Variants in AGTPBP1 observed in about 807,000 individuals in gnomAD.
AGTPBP1 encodes the protein ATP/GTP binding carboxypeptidase 1.
Under a neutral mutation model 143.9 loss-of-function variants are expected in AGTPBP1, and 70 were observed. The observed-to-expected ratio is 0.49, with a 90% CI of 0.40 to 0.59. The LOEUF (loss-of-function observed/expected upper bound fraction) is 0.59, where lower values mean the gene tolerates loss of function less well. Ranked by LOEUF, AGTPBP1 falls within the 20% of genes least tolerant of loss-of-function variation. AGTPBP1 has a pLI of 0.00. For missense variants in AGTPBP1, 1,229 were observed against 1,464.5 expected, an observed-to-expected ratio of 0.84 and a Z score of 2.62; for synonymous variants, 463 against 500.2, an observed-to-expected ratio of 0.93 and a Z score of 0.99.
At chr9:85,703,127 GC>G in intron 2 of AGTPBP1, among the ~76,000 whole-genome samples, 1 of 152,314 alleles carries the variant, frequency 6.6e-6, no homozygotes, top group South Asian at 2.1e-4. Flanking sequence ...GCATTTGGCA[GC>G]CTTTACATGT....
At chr9:85,800,846 G>A in the AGTPBP1 span, among the ~76,000 whole-genome samples, 6 of 140,840 alleles carry the variant, frequency 4.3e-5, no homozygotes, top group South Asian at 2.3e-4. Flanking sequence ...TGTGTGTAAC[G>A]TGTCTTATCC....
In AGTPBP1 at chr9:85,737,286, G is replaced by GA. The variant is rs1823865367; in HGVS notation, c.-34+4488_-34+4489insT. On this transcript the variant is annotated intron_variant, in intron 1 of 25. Transcript: ENST00000357081. ...GGCTGTCTCAAAGTAAAGTGCTTCT[G>GA]TAACTGAATTGACAGCTTGAACTAG... Among the ~76,000 whole-genome samples the GA allele has an allele frequency of 2.0e-5, 3 of 152,154 alleles. No individual in the cohort carries two copies. In the South Asian group the frequency reaches 6.2e-4, roughly 32 times the overall value.
intron 1 of AGTPBP1, among the ~76,000 whole-genome samples, chr9:85,728,077 AT>A (rs1438176452): frequency 2.1e-5 from 3 of 143,104 alleles, no homozygotes; most frequent in Non-Finnish European, 4.5e-5. Flanking sequence ...ACACACACAC[AT>A]ATTTACTTCA....
chr9:85,726,207 G>GT (rs1838477563), intron 1 of AGTPBP1, among the ~76,000 whole-genome samples: 1 of 142,038 alleles, frequency 7.0e-6, no homozygotes, highest in South Asian at 2.2e-4. Context: ...TCCAGCCTGA[G>GT]TAACAGAACA....
the AGTPBP1 span, among the ~76,000 whole-genome samples, chr9:85,785,407 T>A: frequency 3.9e-5 from 6 of 152,182 alleles, no homozygotes; most frequent in African/African-American, 1.4e-4. Context: ...TATGTTGAAG[T>A]TAGCATTTTT....
intron 17 of AGTPBP1, among the ~76,000 whole-genome samples, chr9:85,612,803 G>A (rs2133449723): frequency 6.6e-6 from 1 of 152,198 alleles, no homozygotes; most frequent in East Asian, 1.9e-4. Context: ...AGAAGAACTG[G>A]AATGTGTGGA....
chr9:85,691,536 G>GGTGT (rs58713865), intron 3 of AGTPBP1, among the ~76,000 whole-genome samples: 6,250 of 144,464 alleles, frequency 0.043, 213 homozygotes, highest in African/African-American at 0.099. Flanking sequence ...AAAAAAAGAG[G>GGTGT]GTGTGTGTGT....
At chr9:85,603,991 C>T (rs1467534238) in intron 17 of AGTPBP1, among the ~76,000 whole-genome samples, 2 of 152,204 alleles carry the variant, frequency 1.3e-5, no homozygotes, top group African/African-American at 2.4e-5. Context: ...AAGTAGATTC[C>T]TAACATTCCC....
the AGTPBP1 span, among the ~76,000 whole-genome samples, chr9:85,755,221 G>A: frequency 6.6e-6 from 1 of 151,950 alleles, no homozygotes; most frequent in African/African-American, 2.4e-5. Flanking sequence ...TTTCTATAAG[G>A]TTCATGAAGG....
chr9:85,632,612 A>G lies in AGTPBP1; in HGVS notation c.2015+50T>C, dbSNP rs377610437. ...AAAGTAATTTTTTTAAGACTGCCTC[A>G]TATCTTGACAATAGCCTTATTTAGA... On this transcript the variant is annotated intron_variant, in intron 14 of 25. Coordinates refer to ENST00000357081, the MANE Select transcript of AGTPBP1 (RefSeq NM_001330701.2). The G allele has an allele frequency of 4.0e-5, 58 of 1,457,630 alleles. No individual in the cohort carries two copies. In the African/African-American group the frequency reaches 6.8e-4, roughly 17 times the overall value. The allele number at this position is 1,457,630 out of a possible 1,614,324, so 90.3% of individuals were successfully genotyped here.
chr9:85,768,424 A>G, the AGTPBP1 span, among the ~76,000 whole-genome samples: 1 of 152,144 alleles, frequency 6.6e-6, no homozygotes, highest in Non-Finnish European at 1.5e-5. Flanking sequence ...CTCAAATTAC[A>G]TTGTTTTCCT....
chr9:85,686,917 G>T (rs903738491), intron 3 of AGTPBP1, among the ~76,000 whole-genome samples: 1 of 152,110 alleles, frequency 6.6e-6, no homozygotes, highest in Non-Finnish European at 1.5e-5. Flanking sequence ...ATTAATAAAT[G>T]CATTAAATTG....
intron 17 of AGTPBP1, among the ~76,000 whole-genome samples, chr9:85,605,197 C>T (rs894183878): frequency 2.0e-5 from 3 of 152,082 alleles, no homozygotes; most frequent in East Asian, 1.9e-4. Flanking sequence ...AATAATCAAA[C>T]TCCTAAAGGT....
upstream of AGTPBP1, chr9:85,742,150 G>A (rs10120548): frequency 3.0e-6 from 2 of 677,308 alleles, no homozygotes; most frequent in Admixed American, 5.0e-5. Context: ...CGCCTGACGG[G>A]AGGGAGCGCG....
chr9:85,772,794 T>C, the AGTPBP1 span, among the ~76,000 whole-genome samples: 2 of 152,162 alleles, frequency 1.3e-5, no homozygotes, highest in Non-Finnish European at 2.9e-5. Context: ...CTGTCACTTA[T>C]TTATAACATC....
At chr9:85,734,359 A>G (rs1009369404) in intron 1 of AGTPBP1, among the ~76,000 whole-genome samples, 1 of 152,290 alleles carries the variant, frequency 6.6e-6, no homozygotes, top group South Asian at 2.1e-4. Context: ...GTTCTTTTCA[A>G]CTCTTCCAGA....
chr9:85,577,497 T>C (rs936736175), intron 24 of AGTPBP1, among the ~76,000 whole-genome samples: 33 of 152,182 alleles, frequency 2.2e-4, no homozygotes, highest in Non-Finnish European at 1.5e-5. Context: ...GCTGGAGTGG[T>C]GCTAAAGCTG....
chr9:85,572,015 T>C (rs1354026135), intron 25 of AGTPBP1, among the ~76,000 whole-genome samples: 1 of 18,706 alleles, frequency 5.3e-5, no homozygotes, highest in African/African-American at 6.7e-4. Flanking sequence ...TTTTTTTTTT[T>C]TTTTTTTTTT....
chr9:85,761,210 A>T, the AGTPBP1 span, among the ~76,000 whole-genome samples: 1 of 152,202 alleles, frequency 6.6e-6, no homozygotes, highest in Non-Finnish European at 1.5e-5. Flanking sequence ...AAGGTAATTT[A>T]TAGATTCAAT....
Sources: allele counts gnomAD v4.1 joint callset (sites outside exome capture counted in the v4.1 genomes callset), GRCh38; gene constraint gnomAD v4.1.1; transcripts MANE v1.5; gene names NCBI Gene and HGNC (gene_info 2026-07-23, HGNC 2026-07-21).